RPAP2: variants seen among roughly 807,000 people sequenced by gnomAD.
RPAP2 encodes RNA polymerase II associated protein 2.
Under a neutral mutation model 73.1 loss-of-function variants are expected in RPAP2, and 52 were observed. The observed-to-expected ratio is 0.71, with a 90% CI of 0.57 to 0.90. The LOEUF (loss-of-function observed/expected upper bound fraction) is 0.90. Among genes scored for constraint, RPAP2 ranks in the 40% least tolerant of loss-of-function variants. The probability of loss-of-function intolerance (pLI) is 0.00; values close to 1 mark genes in which losing one functional copy is unlikely to be tolerated. For missense variants in RPAP2, 598 were observed against 701.8 expected, an observed-to-expected ratio of 0.85 and a Z score of 1.67; for synonymous variants, 225 against 242.1, an observed-to-expected ratio of 0.93 and a Z score of 0.65.
Position 92,394,999 on chromosome 1 carries a change from C to A in RPAP2, c.*7988C>A, listed in dbSNP as rs1021958794. On this transcript the variant is annotated 3_prime_UTR_variant, in exon 13 of 13. Transcript: ENST00000610020. The stretch of plus-strand genomic sequence containing the variant: ...CAGTGGAACAGAGTCCAGGAATAAA[C>A]CTTCACATTTATGATCAATTAAGTT... 8 of 152,062 alleles carry A rather than the reference C, an allele frequency of 5.3e-5. No individual in the cohort carries two copies. Among genetic ancestry groups the A allele is most frequent in the African/African-American group, 1.7e-4 (7 of 41,402 alleles). The allele number at this position is 152,062 out of a possible 1,614,324, so 9.4% of individuals were successfully genotyped here.
chr1:92,327,940 T>G (rs1652741279), intron 8 of RPAP2, among the ~76,000 whole-genome samples: 1 of 152,208 alleles, frequency 6.6e-6, no homozygotes, highest in Admixed American at 6.5e-5. Context: ...TACAAAATTC[T>G]TGGCTGACAG....
Position 92,400,526 on chromosome 1 carries a change from A to C in RPAP2, c.*13515A>C, listed in dbSNP as rs928391272. The C allele has an allele frequency of 2.0e-5, 3 of 152,076 alleles. No individual in the cohort carries two copies. The highest frequency in any genetic ancestry group is 4.4e-5 in the Non-Finnish European group (3 of 68,028). The allele number at this position is 152,076 out of a possible 1,614,324, so 9.4% of individuals were successfully genotyped here. A position where few individuals can be genotyped will look rare whatever the true frequency, so the allele number is the denominator to read the frequency against. On this transcript the variant is annotated 3_prime_UTR_variant, in exon 13 of 13. Transcript: ENST00000610020. Reference sequence around the variant, plus strand: ...TTATATTTTTTAGAGACAGGGTGTCACTATGTTACCCAGGTCTCAATCACT... The same window carrying C: ...TTATATTTTTTAGAGACAGGGTGTCCCTATGTTACCCAGGTCTCAATCACT...
rs1299819474 is a variant in RPAP2, at chr1:92,394,203, A to T, written c.*7192A>T. On this transcript the variant is annotated 3_prime_UTR_variant, in exon 13 of 13. Coordinates refer to ENST00000610020, the MANE Select transcript of RPAP2 (RefSeq NM_024813.3). ...GACATGGATAAAGCCGGAAACCATC[A>T]TTCTCAGCAAACTATCACAAGATCA... 2 of 152,210 alleles carry T rather than the reference A, an allele frequency of 1.3e-5. No homozygotes were observed. Among genetic ancestry groups the T allele is most frequent in the Non-Finnish European group, 2.9e-5 (2 of 68,056 alleles). The allele number at this position is 152,210 out of a possible 1,614,324, so 9.4% of individuals were successfully genotyped here.
chr1:92,339,831 C>T (rs1386846648), intron 10 of RPAP2, among the ~76,000 whole-genome samples: 3 of 152,042 alleles, frequency 2.0e-5, no homozygotes, highest in Non-Finnish European at 4.4e-5. Context: ...TGACTTTTTT[C>T]TGTCATTCCT....
intron 11 of RPAP2, among the ~76,000 whole-genome samples, chr1:92,369,544 GTC>G (rs1655062348): frequency 6.6e-6 from 1 of 152,090 alleles, no homozygotes; most frequent in South Asian, 2.1e-4. Context: ...GCCTCAAACA[GTC>G]TTCCTACCTC....
At position 92,349,678 on chromosome 1, in the gene RPAP2, A is replaced by G. The variant is rs150844294; in HGVS notation, c.1688+3764A>G. On this transcript the variant is annotated intron_variant, in intron 11 of 12. Transcript: ENST00000610020. ...TGCAGTGGCTCATGCCTATAATCCC[A>G]GCATTTTGGGAGGCTGAGGCAGGAG... Among the ~76,000 whole-genome samples, 15 of 152,332 alleles carry G rather than the reference A, an allele frequency of 9.8e-5. No individual in the cohort carries two copies. In the East Asian group the frequency reaches 2.9e-3, roughly 29 times the overall value.
Position 92,380,774 on chromosome 1 carries a change from T to C in RPAP2, c.1739T>C (p.Phe580Ser). 1 of 1,605,392 alleles carries C rather than the reference T, an allele frequency of 6.2e-7. No individual in the cohort carries two copies. The highest frequency in any genetic ancestry group is 8.5e-7 in the Non-Finnish European group (1 of 1,177,204). ...IQKHSQEGMV[F>S]TRFLDTLLEE... Reference sequence around the variant, plus strand: ...AAACATTCTCAGGAAGGTATGGTGTTTACACGGTTTCTAGACACCCTCCTT... The same window carrying C: ...AAACATTCTCAGGAAGGTATGGTGTCTACACGGTTTCTAGACACCCTCCTT... Residue 580 changes from phenylalanine to serine, a missense_variant, in exon 12 of 13, where the codon TTT becomes TCT. Physicochemically the swap from Phe to Ser is radical, Grantham distance 155. Coordinates refer to ENST00000610020, the MANE Select transcript of RPAP2 (RefSeq NM_024813.3).
At chr1:92,305,721 A>G (rs1251938901) in intron 5 of RPAP2, among the ~76,000 whole-genome samples, 2 of 152,180 alleles carry the variant, frequency 1.3e-5, no homozygotes, top group Non-Finnish European at 2.9e-5. Context: ...GCTAATAAAC[A>G]TATGAAAAGA....
intron 1 of RPAP2, 42 bp from the exon 2 acceptor site, chr1:92,300,152 G>T: frequency 7.0e-7 from 1 of 1,438,114 alleles, no homozygotes; most frequent in South Asian, 1.2e-5. Context: ...CGTCGTTTAC[G>T]GAAATGTCAT....
chr1:92,333,262 T>A, intron 8 of RPAP2, 129 bp from the exon 9 acceptor site: 1 of 662,714 alleles, frequency 1.5e-6, no homozygotes, highest in Admixed American at 2.8e-5. Flanking sequence ...AATCTAATTC[T>A]CAAGTCTAGT....
chr1:92,359,832 A>C (rs2101379090), intron 11 of RPAP2, among the ~76,000 whole-genome samples: 1 of 152,348 alleles, frequency 6.6e-6, no homozygotes, highest in East Asian at 1.9e-4. Context: ...TGCAGAGTCA[A>C]GATGGGACAG....
In RPAP2 at chr1:92,300,134, A is replaced by C. The variant is rs371737280; in HGVS notation, c.74-60A>C. 3.3e-5 allele frequency: 38 copies of C among 1,160,260 alleles called. No homozygotes were observed. In the African/African-American group the frequency reaches 5.7e-4, roughly 17 times the overall value. 71.9% of individuals were successfully genotyped at this position (1,160,260 alleles called of 1,614,324 possible). A position where few individuals can be genotyped will look rare whatever the true frequency, so the allele number is the denominator to read the frequency against. ...TTAATCTTATGAGACCGCTGTCTGTATGCTGTCCGTCGTTTACGGAAATGT... is the reference window on the plus strand; with the variant it reads ...TTAATCTTATGAGACCGCTGTCTGTCTGCTGTCCGTCGTTTACGGAAATGT... On this transcript the variant is annotated intron_variant, in intron 1 of 12. Coordinates refer to ENST00000610020, the MANE Select transcript of RPAP2 (RefSeq NM_024813.3).
At position 92,323,746 on chromosome 1, in the gene RPAP2, G is replaced by A. The variant is rs769256867; in HGVS notation, c.826G>A (p.Asp276Asn). The A allele has an allele frequency of 2.8e-5, 45 of 1,614,078 alleles. 1 individual carries two copies. The highest frequency in any genetic ancestry group is 1.8e-4 in the South Asian group (16 of 91,070). The change falls in exon 8 of 13, where the codon GAT becomes AAT. Residue 276 changes from aspartate to asparagine, a missense_variant. Asp to Asn is a conservative substitution (Grantham distance 23). Transcript: ENST00000610020. ...AGTAGATGTCACTGAGCAGTTAGGC[G>A]ATTGCAAATTAGATAGTCAGGAGAA... ...TVVDVTEQLG[D>N]CKLDSQEKDA...
intron 11 of RPAP2, among the ~76,000 whole-genome samples, chr1:92,379,745 G>A (rs943436251): frequency 6.6e-6 from 1 of 151,640 alleles, no homozygotes; most frequent in South Asian, 2.1e-4. Context: ...GACCAGCCTG[G>A]CCAACATGGT....
chr1:92,320,222 G>A (rs1652168128), intron 6 of RPAP2, among the ~76,000 whole-genome samples: 2 of 152,020 alleles, frequency 1.3e-5, no homozygotes, highest in South Asian at 4.2e-4. Flanking sequence ...GTAAGAGAGA[G>A]ACTAATCCAG....
At chr1:92,300,271 A>T in intron 2 of RPAP2, 32 bp downstream of exon 2, 1 of 1,534,946 alleles carries the variant, frequency 6.5e-7, no homozygotes, top group Non-Finnish European at 9.0e-7. Context: ...CTACATTGGC[A>T]TATCTACTTA....
intron 11 of RPAP2, among the ~76,000 whole-genome samples, chr1:92,353,768 T>G (rs770406813): frequency 6.6e-6 from 1 of 152,206 alleles, no homozygotes; most frequent in Non-Finnish European, 1.5e-5. Context: ...GTTCCCATAC[T>G]TATTGCTGAG....
intron 11 of RPAP2, among the ~76,000 whole-genome samples, chr1:92,348,652 T>A (rs774398185): frequency 4.6e-5 from 7 of 152,226 alleles, no homozygotes; most frequent in East Asian, 1.9e-4. Context: ...CCACTGGAAA[T>A]CTGTGGCTCA....
chr1:92,360,163 C>T (rs1223830944), intron 11 of RPAP2, among the ~76,000 whole-genome samples: 1 of 152,186 alleles, frequency 6.6e-6, no homozygotes, highest in Non-Finnish European at 1.5e-5. Flanking sequence ...AACCAGAACA[C>T]TGTTAAAGAG....
Sources: allele counts gnomAD v4.1 joint callset (sites outside exome capture counted in the v4.1 genomes callset), GRCh38; gene constraint gnomAD v4.1.1; transcripts MANE v1.5; gene names NCBI Gene and HGNC (gene_info 2026-07-23, HGNC 2026-07-21).